The following SARNP variants were observed in gnomAD, a reference collection of about 807,000 sequenced individuals.
SARNP encodes SAP domain containing ribonucleoprotein, also known as SAP domain-containing ribonucleoprotein.
A neutral mutation model predicts 38.1 loss-of-function variants in SARNP; 5 were observed. That is an observed-to-expected ratio of 0.13 (90% CI 0.07 to 0.28). SARNP has a LOEUF of 0.28. SARNP is among the 10% of genes least tolerant of loss of function. The probability of loss-of-function intolerance (pLI) is 1.00; values close to 1 mark genes in which losing one functional copy is unlikely to be tolerated. For missense variants in SARNP, 180 were observed against 243.9 expected (o/e 0.74, Z 1.75); for synonymous variants, 84 against 80.6 (o/e 1.04, Z -0.23).
Position 55,785,211 on chromosome 12 carries a change from G to A in SARNP, c.501+3864C>T, listed in dbSNP as rs558701776. On this transcript the variant is annotated intron_variant, in intron 9 of 10. Coordinates refer to ENST00000336133, the MANE Select transcript of SARNP (RefSeq NM_033082.4). ...ATGCAAATAAAAAAATATGCTATAC[G>A]TATTGACAATCAATGTTATTAGAGA... Among the ~76,000 whole-genome samples, 4 of 152,190 alleles carry A rather than the reference G, an allele frequency of 2.6e-5. No individual in the cohort carries two copies. In the East Asian group the frequency reaches 5.8e-4, roughly 22 times the overall value.
At chr12:55,778,488 T>C (rs1034609300) in intron 9 of SARNP, among the ~76,000 whole-genome samples, 1 of 152,138 alleles carries the variant, frequency 6.6e-6, no homozygotes, top group Admixed American at 6.6e-5. Context: ...CCCTCAAAGT[T>C]TGTTCCATTG....
chr12:55,812,568 T>A (rs1473203322), intron 1 of SARNP, among the ~76,000 whole-genome samples: 1 of 152,232 alleles, frequency 6.6e-6, no homozygotes, highest in Non-Finnish European at 1.5e-5. Flanking sequence ...CTACCTGACA[T>A]GTCCAAGTGG....
rs200530673 is a variant in SARNP, at chr12:55,800,583, G to A, written c.230C>T (p.Pro77Leu). 11 of 1,611,014 alleles carry A rather than the reference G, an allele frequency of 6.8e-6. No homozygotes were observed. The East Asian group carries it at 2.5e-4, about 36-fold the overall frequency. ...PIELPVKEEE[P>L]PEKTVDVAAE... ...TTACACATCAACAGTTTTTTCAGGG[G>A]GTTCTTCCTCTTTGACAGGGAGCTC... The change falls in exon 4 of 11, where the codon CCC (proline) becomes CTC (leucine). Residue 77 changes from proline to leucine, a missense_variant. Pro to Leu is a moderately conservative substitution (Grantham distance 98). Coordinates refer to ENST00000336133, the MANE Select transcript of SARNP (RefSeq NM_033082.4).
At chr12:55,810,487 T>C (rs984516380) in intron 1 of SARNP, among the ~76,000 whole-genome samples, 9 of 151,370 alleles carry the variant, frequency 5.9e-5, no homozygotes, top group Admixed American at 4.0e-4. Context: ...AGTTTCACTC[T>C]TGTCACTCAG....
At chr12:55,772,824 C>T (rs1260144069) in intron 9 of SARNP, among the ~76,000 whole-genome samples, 2 of 151,038 alleles carry the variant, frequency 1.3e-5, no homozygotes, top group Non-Finnish European at 2.9e-5. Context: ...AAGTGATTCT[C>T]CTGCCTCAGC....
chr12:55,788,998 G>T, intron 9 of SARNP, 77 bp downstream of exon 9: 1 of 903,020 alleles, frequency 1.1e-6, no homozygotes, highest in Non-Finnish European at 1.8e-6. Flanking sequence ...TTCTCAGGAG[G>T]GTCATTTCCA....
intron 4 of SARNP, among the ~76,000 whole-genome samples, chr12:55,799,008 G>C (rs1481644763): frequency 6.6e-6 from 1 of 151,992 alleles, no homozygotes; most frequent in African/African-American, 2.4e-5. Context: ...AGAAAATGAT[G>C]ATATAAAAAA....
chr12:55,780,113 A>C (rs1879297223), intron 9 of SARNP, among the ~76,000 whole-genome samples: 2 of 152,186 alleles, frequency 1.3e-5, no homozygotes, highest in African/African-American at 4.8e-5. Context: ...ATGCCACTGC[A>C]CTTCAGCCTG....
intron 9 of SARNP, among the ~76,000 whole-genome samples, chr12:55,763,824 A>G (rs1220683520): frequency 1.3e-5 from 2 of 152,216 alleles, no homozygotes; most frequent in Non-Finnish European, 2.9e-5. Context: ...AGGAAAATTT[A>G]GTCTTGGAGA....
At chr12:55,774,917 C>T (rs1378659940) in intron 9 of SARNP, among the ~76,000 whole-genome samples, 2 of 132,670 alleles carry the variant, frequency 1.5e-5, no homozygotes, top group Non-Finnish European at 3.1e-5. Context: ...GATGGAGTCT[C>T]GCTCTGTCGC....
At chr12:55,795,730 C>T (rs1170367174) in intron 5 of SARNP, among the ~76,000 whole-genome samples, 3 of 152,156 alleles carry the variant, frequency 2.0e-5, no homozygotes, top group African/African-American at 7.2e-5. Flanking sequence ...TCTACCAATA[C>T]ATTTTCAAGG....
intron 9 of SARNP, among the ~76,000 whole-genome samples, chr12:55,770,486 G>A (rs1878975518): frequency 6.6e-6 from 1 of 150,570 alleles, no homozygotes; most frequent in Admixed American, 6.7e-5. Flanking sequence ...TGATCCGCCT[G>A]CCTCAGTCTC....
intron 9 of SARNP, among the ~76,000 whole-genome samples, chr12:55,784,287 A>T (rs1879425072): frequency 6.6e-6 from 1 of 152,228 alleles, no homozygotes; most frequent in African/African-American, 2.4e-5. Flanking sequence ...CCCAGGATGA[A>T]GTGGACAAAA....
intron 3 of SARNP, 109 bp from the exon 4 acceptor site, chr12:55,800,738 C>T (rs905890927): frequency 2.0e-5 from 25 of 1,246,854 alleles, no homozygotes; most frequent in Middle Eastern, 1.9e-4. Context: ...ACCTTCATAC[C>T]CATCTTATGC....
chr12:55,813,318 T>C (rs917859267), intron 1 of SARNP, among the ~76,000 whole-genome samples: 7 of 152,098 alleles, frequency 4.6e-5, no homozygotes, highest in Admixed American at 2.0e-4. Flanking sequence ...TGTTTGTGGA[T>C]AGAACATAGA....
rs1264253540 is a variant in SARNP at position 55,794,828 on chromosome 12, T to C, written c.356A>G (p.Lys119Arg). 1.2e-6 allele frequency: 2 copies of C among 1,612,492 alleles called. No homozygotes were observed. Among genetic ancestry groups the C allele is most frequent in the Non-Finnish European group, 1.7e-6 (2 of 1,178,692 alleles). Residue 119 changes from lysine to arginine, a missense_variant, in exon 6 of 11, where the codon AAG becomes AGG. Lys to Arg is a conservative substitution (Grantham distance 26). Transcript: ENST00000336133. ...RFNVPVSLES[K>R]KAARAARFGI... Reference sequence around the variant, plus strand: ...TCACCTAGCTGCCCGAGCAGCTTTCTTACTCTCCAAGCTCACAGGTACATT... The same window carrying C: ...TCACCTAGCTGCCCGAGCAGCTTTCCTACTCTCCAAGCTCACAGGTACATT...
At chr12:55,771,199 C>G (rs1430973099) in intron 9 of SARNP, among the ~76,000 whole-genome samples, 1 of 152,076 alleles carries the variant, frequency 6.6e-6, no homozygotes, top group Non-Finnish European at 1.5e-5. Flanking sequence ...CTCAGGTGAT[C>G]CGCCTGCCCC....
rs182846373 is a variant in SARNP, at chr12:55,803,744, T to G, written c.37-16A>C. On this transcript the variant is annotated splice_polypyrimidine_tract_variant and intron_variant, in intron 1 of 10. Transcript: ENST00000336133. ...GTTCGGCAAGCTGAGGGGAAAAAAA[T>G]AAAACTTTTCCTTAGTTAACAGGAT... is the stretch of plus-strand genomic sequence containing the variant. 51 of 1,593,396 alleles carry G rather than the reference T, an allele frequency of 3.2e-5. No homozygotes were observed. In the East Asian group the frequency reaches 1.1e-3, roughly 36 times the overall value.
chr12:55,799,701 C>G (rs892181154), intron 4 of SARNP, among the ~76,000 whole-genome samples: 1 of 150,982 alleles, frequency 6.6e-6, no homozygotes, highest in Non-Finnish European at 1.5e-5. Flanking sequence ...TTACAGGTGC[C>G]CTCCACCACG....
Sources: gnomAD v4.1 joint callset for allele counts (sites outside exome capture counted in the v4.1 genomes callset) on GRCh38, gnomAD v4.1.1 for gene constraint, MANE v1.5 for transcripts, NCBI Gene and HGNC (gene_info 2026-07-23, HGNC 2026-07-21) for gene names.